STAB2: variants seen among roughly 807,000 people sequenced by gnomAD.
STAB2 encodes stabilin-2.
In STAB2, 288 loss-of-function variants were observed where a neutral mutation model predicts 338.1. The ratio of observed to expected loss-of-function variants is 0.85; its 90% CI spans 0.77 to 0.94. The LOEUF (loss-of-function observed/expected upper bound fraction) is 0.94. Ranked by LOEUF, STAB2 falls within the 40% of genes least tolerant of loss-of-function variation. STAB2 has a pLI of 0.00. For synonymous variants in STAB2, 1,202 were observed against 1,193.3 expected (o/e 1.01, Z -0.15); for missense variants, 3,141 against 3,210.1 (o/e 0.98, Z 0.52).
Position 103,733,124 on chromosome 12 carries a change from A to G in STAB2, c.5402A>G (p.Gln1801Arg). ...GAACAACAGGACTTCCTGTTCAACC[A>G]AGACAACAAGGACAAGCTGAAGGAG... ...PAEQQDFLFN[Q>R]DNKDKLKEYL... Residue 1801 changes from glutamine to arginine, a missense_variant, in exon 51 of 69, where the codon CAA becomes CGA. Coordinates refer to ENST00000388887, the MANE Select transcript of STAB2 (RefSeq NM_017564.10). The G allele has an allele frequency of 6.2e-7, 1 of 1,614,136 alleles. No homozygotes were observed. Among genetic ancestry groups the G allele is most frequent in the Non-Finnish European group, 8.5e-7 (1 of 1,180,010 alleles).
chr12:103,658,402 T>C (rs573826929), intron 15 of STAB2, among the ~76,000 whole-genome samples: 1 of 152,196 alleles, frequency 6.6e-6, no homozygotes, highest in East Asian at 1.9e-4. Flanking sequence ...CTCCAATAGA[T>C]CTCAGCCAGA....
intron 3 of STAB2, among the ~76,000 whole-genome samples, chr12:103,608,182 A>T (rs1286855952): frequency 6.6e-6 from 1 of 152,220 alleles, no homozygotes; most frequent in Non-Finnish European, 1.5e-5. Context: ...TCTGTCGCCC[A>T]GGCTGGAGTG....
chr12:103,594,511 G>A lies in STAB2; in HGVS notation c.331+1G>A, dbSNP rs1359988451. ...GGCCGCTGGGGCCCAGACTGTATAG[G>A]TAAGTGGCACAATGCTTGGACTTTG... On this transcript the variant is annotated splice_donor_variant, in intron 3 of 68. Coordinates refer to ENST00000388887, the MANE Select transcript of STAB2 (RefSeq NM_017564.10). LOFTEE classifies it high-confidence loss of function. 4 of 1,610,010 alleles carry A rather than the reference G, an allele frequency of 2.5e-6. No homozygotes were observed. Among genetic ancestry groups the A allele is most frequent in the South Asian group, 1.1e-5 (1 of 90,930 alleles).
intron 13 of STAB2, chr12:103,654,974 C>T: frequency 1.8e-6 from 1 of 545,342 alleles, no homozygotes; most frequent in Non-Finnish European, 3.1e-6. Flanking sequence ...GACCAATCAT[C>T]ATGAAAATAT....
chr12:103,623,040 A>G (rs951952162), intron 5 of STAB2, among the ~76,000 whole-genome samples: 1 of 152,232 alleles, frequency 6.6e-6, no homozygotes, highest in Admixed American at 6.5e-5. Flanking sequence ...GGCTGCCCCC[A>G]GAAGTAGACT....
At position 103,755,459 on chromosome 12, in the gene STAB2, G is replaced by A. The variant is rs147884936; in HGVS notation, c.6872G>A (p.Arg2291Gln). The change falls in exon 62 of 69, where the codon CGG becomes CAG. Residue 2291 changes from arginine (R) to glutamine (Q), a missense_variant. Transcript: ENST00000388887. Reference sequence around the variant, plus strand: ...GAAATGTGGGATGTCTTCTGCTATCGGATGAAAGGTAACCGCCCCAGCTAC... The same window carrying A: ...GAAATGTGGGATGTCTTCTGCTATCAGATGAAAGGTAACCGCCCCAGCTAC... ...KSEMWDVFCYRMKDVNCTCKV... is the reference protein window; with the variant it reads ...KSEMWDVFCYQMKDVNCTCKV... 6.6e-5 allele frequency: 107 copies of A among 1,613,876 alleles called. No homozygotes were observed. Among genetic ancestry groups the A allele is most frequent in the African/African-American group, 6.5e-4 (49 of 74,996 alleles).
chr12:103,680,717 C>T (rs1876821562), intron 25 of STAB2, among the ~76,000 whole-genome samples: 1 of 152,244 alleles, frequency 6.6e-6, no homozygotes, highest in Admixed American at 6.5e-5. Context: ...CAAGGCCCTG[C>T]ACCTCACCCT....
chr12:103,735,726 AT>A, intron 52 of STAB2, 146 bp downstream of exon 52: 2 of 648,100 alleles, frequency 3.1e-6, no homozygotes, highest in Non-Finnish European at 5.0e-6. Flanking sequence ...CTTCAGAGGT[AT>A]TTTTCCTGAG....
At chr12:103,699,274 A>T in intron 34 of STAB2, 47 bp downstream of exon 34, 1 of 1,577,844 alleles carries the variant, frequency 6.3e-7, no homozygotes, top group Middle Eastern at 1.7e-4. Context: ...CGAGAATTAC[A>T]TCAGGGAGAG....
chr12:103,682,605 AG>A (rs35535673), intron 25 of STAB2, among the ~76,000 whole-genome samples: 55,012 of 151,994 alleles, frequency 0.36, 10,333 homozygotes, highest in Non-Finnish European at 0.41. Flanking sequence ...GATGCTTTTT[AG>A]GGCCCAAGTT....
At position 103,765,575 on chromosome 12, in the gene STAB2, C is replaced by T. The variant is rs1884883552; in HGVS notation, c.7606-711C>T. 2.0e-5 allele frequency among the ~76,000 whole-genome samples: 3 copies of T among 152,190 alleles called. No homozygotes were observed. The South Asian group carries it at 6.2e-4, about 31-fold the overall frequency. ...TGGCATGGCCACCTCTAGAGTGTGG[C>T]CTTTTTTAGGCAGGGTCCTGGTGTG... On this transcript the variant is annotated intron_variant, in intron 68 of 68. Coordinates refer to ENST00000388887, the MANE Select transcript of STAB2 (RefSeq NM_017564.10).
At chr12:103,666,460 G>A in intron 19 of STAB2, 107 bp downstream of exon 19, 1 of 1,189,948 alleles carries the variant, frequency 8.4e-7, no homozygotes. Flanking sequence ...TTGCAGCTGG[G>A]GTAATATAAG....
At chr12:103,656,128 G>A (rs1460784177) in intron 15 of STAB2, among the ~76,000 whole-genome samples, 1 of 152,214 alleles carries the variant, frequency 6.6e-6, no homozygotes, top group Non-Finnish European at 1.5e-5. Flanking sequence ...ATATCGGGGT[G>A]TCAATGACTG....
intron 39 of STAB2, among the ~76,000 whole-genome samples, chr12:103,709,201 G>A (rs1879627618): frequency 6.6e-6 from 1 of 152,152 alleles, no homozygotes; most frequent in Non-Finnish European, 1.5e-5. Context: ...CAAAGAGAAG[G>A]GAATTTCAGG....
At chr12:103,748,099 GATAA>G (rs1490654079) in intron 58 of STAB2, among the ~76,000 whole-genome samples, 4 of 151,912 alleles carry the variant, frequency 2.6e-5, no homozygotes, top group Non-Finnish European at 5.9e-5. Context: ...ATTTTTCATG[GATAA>G]ATATTCACAG....
chr12:103,697,380 A>G (rs1327395422), intron 33 of STAB2, among the ~76,000 whole-genome samples: 1 of 152,152 alleles, frequency 6.6e-6, no homozygotes, highest in African/African-American at 2.4e-5. Flanking sequence ...CTCTAACCCA[A>G]CCCATTTCTT....
intron 27 of STAB2, among the ~76,000 whole-genome samples, chr12:103,685,508 T>G (rs527598362): frequency 6.6e-6 from 1 of 151,984 alleles, no homozygotes; most frequent in Admixed American, 6.6e-5. Flanking sequence ...ACACACTTCT[T>G]TATGCCAGGC....
At chr12:103,588,623 A>G (rs1480946931) in intron 1 of STAB2, among the ~76,000 whole-genome samples, 3 of 152,332 alleles carry the variant, frequency 2.0e-5, no homozygotes, top group South Asian at 2.1e-4. Flanking sequence ...TCAATACTGT[A>G]TGAGACAGAC....
intron 11 of STAB2, among the ~76,000 whole-genome samples, chr12:103,651,862 G>A (rs191476140): frequency 2.6e-5 from 4 of 152,154 alleles, no homozygotes; most frequent in Admixed American, 6.5e-5. Context: ...GTAAGTTGCC[G>A]GCTCTCTAAC....
Sources: allele counts gnomAD v4.1 joint callset (sites outside exome capture counted in the v4.1 genomes callset), GRCh38; gene constraint gnomAD v4.1.1; transcripts MANE v1.5; gene names NCBI Gene and HGNC (gene_info 2026-07-23, HGNC 2026-07-21).